PRH1: variants seen among roughly 807,000 people sequenced by gnomAD.
PRH1 encodes proline rich protein HaeIII subfamily 1, also known as salivary acidic proline-rich phosphoprotein 1/2.
PRH1 carries 7 observed loss-of-function variants against 7.9 expected under a neutral mutation model. That is an observed-to-expected ratio of 0.89 (90% CI 0.50 to 1.67). The LOEUF is 1.67. Among genes scored for constraint, PRH1 ranks in the 40% most tolerant of loss-of-function variants. The pLI, the probability that PRH1 is intolerant of heterozygous loss-of-function variation, is 0.00. For synonymous variants in PRH1, 45 were observed against 80.8 expected (o/e 0.56, Z 2.38); for missense variants, 109 against 223.6 (o/e 0.49, Z 3.27).
chr12:11,072,134 A>ATT, intron 1 of PRH1, among the ~76,000 whole-genome samples: 1 of 151,790 alleles, frequency 6.6e-6, no homozygotes, highest in African/African-American at 2.4e-5. Context: ...TGCCAAACTA[A>ATT]TTTTTGTTGT....
intron 1 of PRH1, among the ~76,000 whole-genome samples, chr12:11,146,552 C>T (rs966902834): frequency 2.0e-5 from 3 of 152,120 alleles, no homozygotes; most frequent in African/African-American, 7.2e-5. Context: ...AGACAGCTAA[C>T]TTAGCTGGAT....
chr12:11,128,002 C>T (rs1055698228), intron 1 of PRH1, among the ~76,000 whole-genome samples: 6 of 149,642 alleles, frequency 4.0e-5, no homozygotes, highest in South Asian at 4.2e-4. Context: ...CCCAGCTACT[C>T]GGGGAGGCTG....
intron 2 of PRH1, chr12:10,938,177 A>C: frequency 1.0e-6 from 1 of 1,000,342 alleles, no homozygotes; most frequent in South Asian, 1.7e-5. Context: ...AGTTATACAC[A>C]ATGAAAGAAT....
At chr12:10,985,874 C>A in intron 1 of PRH1, 1 of 1,327,218 alleles carries the variant, frequency 7.5e-7, no homozygotes, top group East Asian at 2.3e-5. Flanking sequence ...TAAAATGTTC[C>A]AGACACTATC....
chr12:11,074,354 G>A (rs1944209470), intron 1 of PRH1, among the ~76,000 whole-genome samples: 1 of 150,178 alleles, frequency 6.7e-6, no homozygotes, highest in African/African-American at 2.4e-5. Context: ...AGTAGGGAGG[G>A]AAATGAGCAG....
At chr12:11,148,272 C>A (rs1046904554) in intron 1 of PRH1, among the ~76,000 whole-genome samples, 3 of 151,602 alleles carry the variant, frequency 2.0e-5, no homozygotes, top group East Asian at 3.9e-4. Flanking sequence ...AATTGAATAC[C>A]CTTTATTTCC....
At chr12:10,944,665 T>C (rs1168606278) in intron 2 of PRH1, among the ~76,000 whole-genome samples, 1 of 152,224 alleles carries the variant, frequency 6.6e-6, no homozygotes, top group Non-Finnish European at 1.5e-5. Context: ...TTCCAGCTTT[T>C]GCCCATTCAG....
At chr12:11,120,653 T>G (rs890726886), downstream of PRH1, among the ~76,000 whole-genome samples, 12 of 151,586 alleles carry the variant, frequency 7.9e-5, no homozygotes, top group African/African-American at 2.9e-4. Context: ...AGATGGCTGT[T>G]TTTTTTTTAA....
At chr12:10,945,928 C>G (rs1335202528) in intron 2 of PRH1, among the ~76,000 whole-genome samples, 1 of 152,208 alleles carries the variant, frequency 6.6e-6, no homozygotes, top group Non-Finnish European at 1.5e-5. Flanking sequence ...AAATATGGCT[C>G]TGTTCCACCT....
intron 2 of PRH1, among the ~76,000 whole-genome samples, chr12:10,899,165 A>T (rs1250257369): frequency 6.6e-6 from 1 of 152,250 alleles, no homozygotes; most frequent in Non-Finnish European, 1.5e-5. Context: ...TCACAGGCTC[A>T]TAGCTGGAAG....
intron 1 of PRH1, among the ~76,000 whole-genome samples, chr12:11,113,660 G>C (rs1945653157): frequency 6.6e-6 from 1 of 152,170 alleles, no homozygotes; most frequent in South Asian, 2.1e-4. Context: ...CATGAGCAAA[G>C]ACTTCATGAC....
intron 2 of PRH1, among the ~76,000 whole-genome samples, chr12:10,969,575 T>C (rs1015816878): frequency 6.6e-6 from 1 of 152,232 alleles, no homozygotes; most frequent in African/African-American, 2.4e-5. Flanking sequence ...TTTTCTTTTA[T>C]TAAATTCTAA....
At chr12:11,156,148 A>T (rs1445445735) in intron 1 of PRH1, among the ~76,000 whole-genome samples, 1 of 152,114 alleles carries the variant, frequency 6.6e-6, no homozygotes, top group Non-Finnish European at 1.5e-5. Flanking sequence ...ATTTCTGTTT[A>T]TGAAATGTCT....
intron 2 of PRH1, among the ~76,000 whole-genome samples, chr12:10,935,128 A>T (rs1655931107): frequency 6.6e-6 from 1 of 152,110 alleles, no homozygotes. Flanking sequence ...AGTGCTGATA[A>T]TTTACATTTA....
At chr12:11,000,590 A>C (rs1302296322) in intron 1 of PRH1, among the ~76,000 whole-genome samples, 4 of 152,158 alleles carry the variant, frequency 2.6e-5, no homozygotes, top group African/African-American at 9.6e-5. Flanking sequence ...GGTTACTAAA[A>C]ATATATGGAT....
At chr12:11,014,204 C>T (rs1309472976) in intron 1 of PRH1, among the ~76,000 whole-genome samples, 1 of 152,212 alleles carries the variant, frequency 6.6e-6, no homozygotes, top group Non-Finnish European at 1.5e-5. Context: ...ATCACCAACA[C>T]AACAGGCATC....
chr12:11,055,911 T>A (rs994804552), intron 1 of PRH1, among the ~76,000 whole-genome samples: 1 of 152,248 alleles, frequency 6.6e-6, no homozygotes, highest in East Asian at 1.9e-4. Context: ...ATCCAAGGTT[T>A]TCTTGGGAAG....
At chr12:11,153,749 C>T (rs887064360) in intron 1 of PRH1, among the ~76,000 whole-genome samples, 1 of 152,186 alleles carries the variant, frequency 6.6e-6, no homozygotes, top group South Asian at 2.1e-4. Context: ...AAATGTGATA[C>T]AGGACAAAGT....
chr12:10,921,972 T>C (rs1374370332), intron 2 of PRH1, among the ~76,000 whole-genome samples: 2 of 152,096 alleles, frequency 1.3e-5, no homozygotes, highest in East Asian at 3.9e-4. Context: ...GGTCTCACCA[T>C]ATTGCCCAGG....
Sources: allele counts gnomAD v4.1 joint callset (sites outside exome capture counted in the v4.1 genomes callset), GRCh38; gene constraint gnomAD v4.1.1; transcripts MANE v1.5; gene names NCBI Gene and HGNC (gene_info 2026-07-23, HGNC 2026-07-21).